STRBP: variants seen among roughly 807,000 people sequenced by gnomAD.
STRBP encodes the protein spermatid perinuclear RNA-binding protein.
STRBP carries 13 observed loss-of-function variants against 80.1 expected under a neutral mutation model. The ratio of observed to expected loss-of-function variants is 0.16; its 90% CI spans 0.11 to 0.26. STRBP has a LOEUF of 0.26. STRBP is among the 10% of genes least tolerant of loss of function. The probability of loss-of-function intolerance (pLI) is 1.00; values close to 1 mark genes in which losing one functional copy is unlikely to be tolerated. For synonymous variants in STRBP, 284 were observed against 291.2 expected (o/e 0.98, Z 0.25); for missense variants, 485 against 815.2 (o/e 0.59, Z 4.93).
intron 2 of STRBP, among the ~76,000 whole-genome samples, chr9:123,207,203 C>T (rs1267446679): frequency 1.3e-5 from 2 of 152,184 alleles, no homozygotes; most frequent in Non-Finnish European, 2.9e-5. Context: ...AGAGTAACTT[C>T]AACACAGAAA....
chr9:123,169,326 G>A (rs1214510700), intron 6 of STRBP, among the ~76,000 whole-genome samples: 3 of 151,828 alleles, frequency 2.0e-5, no homozygotes, highest in Non-Finnish European at 4.4e-5. Flanking sequence ...CCACCACCAC[G>A]CCTGGCTGAT....
chr9:123,193,868 C>T (rs1052439288), intron 2 of STRBP, among the ~76,000 whole-genome samples: 11 of 152,094 alleles, frequency 7.2e-5, no homozygotes, highest in East Asian at 1.9e-4. Context: ...TAACCATGTA[C>T]CATTAAATAT....
At chr9:123,148,376 T>C (rs1344982223) in intron 11 of STRBP, among the ~76,000 whole-genome samples, 1 of 152,210 alleles carries the variant, frequency 6.6e-6, no homozygotes, top group Non-Finnish European at 1.5e-5. Flanking sequence ...TTTTGGACTT[T>C]CAAGCCCCTG....
intron 1 of STRBP, among the ~76,000 whole-genome samples, chr9:123,263,524 CAAAAAAAAAA>C (rs775297049): frequency 1.6e-5 from 1 of 64,226 alleles, no homozygotes; most frequent in African/African-American, 5.2e-5. Flanking sequence ...GACCCTGTCT[CAAAAAAAAAA>C]AAAAAAAAAA....
At chr9:123,250,409 T>G (rs2040887683) in intron 1 of STRBP, among the ~76,000 whole-genome samples, 1 of 152,226 alleles carries the variant, frequency 6.6e-6, no homozygotes, top group Admixed American at 6.5e-5. Flanking sequence ...TATTTAAATT[T>G]TTATCAGATA....
intron 2 of STRBP, among the ~76,000 whole-genome samples, chr9:123,225,168 A>C (rs111962484): frequency 3.9e-5 from 6 of 152,336 alleles, no homozygotes; most frequent in African/African-American, 1.4e-4. Context: ...GCAGTGATGA[A>C]GATGAGGACA....
At chr9:123,237,719 AG>A (rs1420784617) in intron 1 of STRBP, among the ~76,000 whole-genome samples, 2 of 152,132 alleles carry the variant, frequency 1.3e-5, no homozygotes, top group Non-Finnish European at 2.9e-5. Flanking sequence ...ATTGTATTTC[AG>A]GGCTCTATTT....
chr9:123,197,277 C>CAA (rs1235623401), intron 2 of STRBP, among the ~76,000 whole-genome samples: 1 of 151,684 alleles, frequency 6.6e-6, no homozygotes, highest in Non-Finnish European at 1.5e-5. Flanking sequence ...TATATGGGTA[C>CAA]AAAAAACATA....
intron 5 of STRBP, among the ~76,000 whole-genome samples, chr9:123,171,155 T>C (rs936949742): frequency 6.6e-6 from 1 of 152,140 alleles, no homozygotes; most frequent in Admixed American, 6.5e-5. Context: ...AAAGAATAAA[T>C]TGAACTTCAT....
intron 11 of STRBP, among the ~76,000 whole-genome samples, chr9:123,149,709 G>A (rs1053611736): frequency 1.3e-5 from 2 of 152,062 alleles, no homozygotes; most frequent in Non-Finnish European, 2.9e-5. Flanking sequence ...TAATATTTTC[G>A]TATTTACCAT....
intron 2 of STRBP, among the ~76,000 whole-genome samples, chr9:123,201,214 T>C (rs1449641924): frequency 2.6e-5 from 4 of 152,264 alleles, no homozygotes; most frequent in South Asian, 2.1e-4. Context: ...TTGTGTGTGT[T>C]TGAATTTCAT....
At chr9:123,201,848 A>G (rs1360201379) in intron 2 of STRBP, among the ~76,000 whole-genome samples, 1 of 152,224 alleles carries the variant, frequency 6.6e-6, no homozygotes. Flanking sequence ...GGTGTACTGA[A>G]ATCTACCACT....
intron 17 of STRBP, 82 bp from the exon 18 acceptor site, chr9:123,128,340 A>AGGGTGCTGAGCAGGT: frequency 6.6e-7 from 1 of 1,522,460 alleles, no homozygotes; most frequent in Non-Finnish European, 9.1e-7. Flanking sequence ...CCACCTGCTC[A>AGGGTGCTGAGCAGGT]GCACCCTGGG....
chr9:123,202,624 T>C (rs1261305396), intron 2 of STRBP, among the ~76,000 whole-genome samples: 1 of 152,192 alleles, frequency 6.6e-6, no homozygotes, highest in African/African-American at 2.4e-5. Context: ...GCTTTTGTCT[T>C]ACTGGCTTTA....
intron 1 of STRBP, among the ~76,000 whole-genome samples, chr9:123,261,640 T>A (rs2041163572): frequency 6.6e-6 from 1 of 152,256 alleles, no homozygotes; most frequent in Admixed American, 6.5e-5. Context: ...GATACCGTAT[T>A]TTTAAAAGCT....
At chr9:123,186,129 G>C (rs1203600618) in intron 2 of STRBP, among the ~76,000 whole-genome samples, 1 of 151,646 alleles carries the variant, frequency 6.6e-6, no homozygotes, top group African/African-American at 2.4e-5. Flanking sequence ...GATCACTTGA[G>C]CCTAGGAGTT....
chr9:123,264,715 C>A (rs2041232215), intron 1 of STRBP, among the ~76,000 whole-genome samples: 1 of 152,176 alleles, frequency 6.6e-6, no homozygotes, highest in Non-Finnish European at 1.5e-5. Flanking sequence ...GCCTACAAAG[C>A]CTAAATAACC....
At chr9:123,265,667 T>C (rs750658946) in intron 1 of STRBP, among the ~76,000 whole-genome samples, 5 of 152,170 alleles carry the variant, frequency 3.3e-5, no homozygotes, top group Non-Finnish European at 7.4e-5. Flanking sequence ...CTGAAATAAA[T>C]GTCTGTGTTC....
chr9:123,203,953 CAGAGCAAGACTCTGTCTCAA>C (rs1257966437), intron 2 of STRBP, among the ~76,000 whole-genome samples: 3 of 151,660 alleles, frequency 2.0e-5, no homozygotes, highest in Non-Finnish European at 4.4e-5. Flanking sequence ...GCCTGGGCAA[CAGAGCAAGACTCTGTCTCAA>C]AAAAACAAAA....
Sources: allele counts gnomAD v4.1 joint callset (sites outside exome capture counted in the v4.1 genomes callset), GRCh38; gene constraint gnomAD v4.1.1; transcripts MANE v1.5; gene names NCBI Gene and HGNC (gene_info 2026-07-23, HGNC 2026-07-21).